The following TOGARAM2 variants were observed in gnomAD, a reference collection of about 807,000 sequenced individuals.
TOGARAM2 encodes the protein TOG array regulator of axonemal microtubules 2.
Under a neutral mutation model 93.3 loss-of-function variants are expected in TOGARAM2, and 85 were observed. The ratio of observed to expected loss-of-function variants is 0.91; its 90% CI spans 0.76 to 1.09. The LOEUF (loss-of-function observed/expected upper bound fraction) is 1.09, where lower values mean the gene tolerates loss of function less well. TOGARAM2 is among the 50% of genes least tolerant of loss of function. The pLI is 0.00. For missense variants in TOGARAM2, 1,277 were observed against 1,334.5 expected (o/e 0.96, Z 0.67); for synonymous variants, 593 against 552.8 (o/e 1.07, Z -1.02).
intron 14 of TOGARAM2, among the ~76,000 whole-genome samples, chr2:29,029,149 G>A (rs543692419): frequency 3.6e-4 from 55 of 152,236 alleles, no homozygotes; most frequent in Non-Finnish European, 6.5e-4. Flanking sequence ...ACTTGTTCAC[G>A]CATGTTTATA....
intron 16 of TOGARAM2, among the ~76,000 whole-genome samples, chr2:29,034,526 A>G (rs1381191041): frequency 6.6e-6 from 1 of 152,222 alleles, no homozygotes; most frequent in African/African-American, 2.4e-5. Flanking sequence ...TCAGTAGACA[A>G]TGAGTGTGGA....
intron 6 of TOGARAM2, among the ~76,000 whole-genome samples, chr2:29,004,798 GTC>G (rs1414106262): frequency 6.6e-6 from 1 of 151,906 alleles, no homozygotes; most frequent in Non-Finnish European, 1.5e-5. Flanking sequence ...GTCTGAGTGT[GTC>G]TGAGTGCATG....
rs1338400609 is a variant in TOGARAM2, at chr2:29,014,440, C to G, written c.923C>G (p.Ala308Gly). The G allele has an allele frequency of 2.5e-6, 4 of 1,609,428 alleles. No homozygotes were observed. The African/African-American group carries it at 5.3e-5, about 22-fold the overall frequency. ...ASPIRDRPAA[A>G]KKPALPFSQS... ...CCCATCAGAGACAGGCCTGCCGCTG[C>G]CAAGAAGCCTGCCCTGCCTTTTTCT... The change falls in exon 8 of 20, where the codon GCC (alanine) becomes GGC (glycine). Residue 308 changes from alanine to glycine, a missense_variant. Physicochemically the swap from Ala to Gly is moderately conservative, Grantham distance 60. Transcript: ENST00000379558.
intron 1 of TOGARAM2, among the ~76,000 whole-genome samples, chr2:28,992,287 A>G (rs558117258): frequency 6.8e-4 from 104 of 152,212 alleles, no homozygotes; most frequent in African/African-American, 2.4e-3. Context: ...GTTTGTCCAT[A>G]GCAGCTTTGG....
In TOGARAM2 at chr2:28,967,355, G is replaced by A. The variant is rs144788540; in HGVS notation, c.-147+10658G>A. ...CCATGCATGGTGGAGTGCACCTGTG[G>A]TCCCAGCTACTCAGGAAGATGAGGT... On this transcript the variant is annotated intron_variant, in intron 1 of 6. Coordinates refer to the TOGARAM2 transcript ENST00000401723. 3.2e-3 allele frequency among the ~76,000 whole-genome samples: 489 copies of A among 152,198 alleles called. 5 individuals are homozygous for A. The highest frequency in any genetic ancestry group is 0.01 in the Middle Eastern group (3 of 294).
At chr2:29,028,964 G>C (rs1277763826) in intron 14 of TOGARAM2, among the ~76,000 whole-genome samples, 1 of 152,228 alleles carries the variant, frequency 6.6e-6, no homozygotes, top group Non-Finnish European at 1.5e-5. Context: ...AATAATAGAT[G>C]TTGGCGTGGA....
At chr2:28,989,322 AT>A (rs2148253809) in intron 1 of TOGARAM2, among the ~76,000 whole-genome samples, 1 of 151,882 alleles carries the variant, frequency 6.6e-6, no homozygotes, top group South Asian at 2.1e-4. Flanking sequence ...AAGTGCTGGG[AT>A]TACAGGTGTA....
intron 4 of TOGARAM2, among the ~76,000 whole-genome samples, chr2:29,001,022 G>T (rs954565835): frequency 6.6e-6 from 1 of 152,198 alleles, no homozygotes; most frequent in Admixed American, 6.5e-5. Flanking sequence ...GATGGGCAGT[G>T]ACCTATAGAC....
intron 16 of TOGARAM2, 87 bp downstream of exon 16, chr2:29,033,650 G>A (rs1245864416): frequency 4.7e-6 from 6 of 1,273,446 alleles, no homozygotes; most frequent in Non-Finnish European, 6.7e-6. Context: ...GTGGCTCTGG[G>A]GTGGACATAT....
intron 1 of TOGARAM2, among the ~76,000 whole-genome samples, chr2:28,987,352 T>G (rs1558403545): frequency 6.6e-6 from 1 of 152,252 alleles, no homozygotes; most frequent in Non-Finnish European, 1.5e-5. Context: ...TGCAGTGGCA[T>G]GATCTCGGTT....
chr2:29,037,704 C>G (rs562192425), intron 18 of TOGARAM2, among the ~76,000 whole-genome samples: 58 of 152,328 alleles, frequency 3.8e-4, no homozygotes, highest in African/African-American at 1.3e-3. Flanking sequence ...TCAGGTCCCT[C>G]TCTGCCTCTT....
chr2:29,046,225 C>T (rs751895703), intron 19 of TOGARAM2: 1 of 152,262 alleles, frequency 6.6e-6, no homozygotes, highest in Non-Finnish European at 1.5e-5. Context: ...AGGAGAAGTC[C>T]AAGTGACTTC....
At chr2:28,972,065 G>A (rs563421645) in intron 1 of TOGARAM2, among the ~76,000 whole-genome samples, 1 of 152,114 alleles carries the variant, frequency 6.6e-6, no homozygotes, top group African/African-American at 2.4e-5. Context: ...GGTAAGAAAT[G>A]AGTTCAGTAT....
chr2:29,003,681 C>A lies in TOGARAM2; in HGVS notation c.829C>A (p.Arg277=). ...CACAGGCCTGAGGGCCCCACGCACG[C>A]GGTAAGAGCTCCAAGTCAAACCTTC... ...VLTGLRAPRT[R]LARGSGPREK... The change falls in exon 6 of 20, where the codon CGA becomes AGA. Residue 277 remains arginine (R), a splice_region_variant and synonymous_variant. Coordinates refer to ENST00000379558, the MANE Select transcript of TOGARAM2 (RefSeq NM_199280.4). 1 of 1,525,624 alleles carries A rather than the reference C, an allele frequency of 6.6e-7. No individual in the cohort carries two copies. The highest frequency in any genetic ancestry group is 1.2e-5 in the South Asian group (1 of 80,342). The allele number at this position is 1,525,624 out of a possible 1,614,324, so 94.5% of individuals were successfully genotyped here.
Position 29,022,272 on chromosome 2 carries a change from T to G in TOGARAM2, c.1475T>G (p.Leu492Arg), listed in dbSNP as rs761911160. Residue 492 changes from leucine to arginine, a missense_variant, in exon 11 of 20, where the codon CTG becomes CGG. Leu to Arg is a moderately radical substitution (Grantham distance 102). Coordinates refer to ENST00000379558, the MANE Select transcript of TOGARAM2 (RefSeq NM_199280.4). Reference protein sequence around the residue: ...LRPFSNPELGLRDALQCLNSS... With the variant: ...LRPFSNPELGRRDALQCLNSS... Reference sequence around the variant, plus strand: ...CCTTTCTCGAACCCGGAGCTGGGGCTGAGGGATGCACTCCAGTGCCTCAAC... The same window carrying G: ...CCTTTCTCGAACCCGGAGCTGGGGCGGAGGGATGCACTCCAGTGCCTCAAC... 6.2e-7 allele frequency: 1 copy of G among 1,614,022 alleles called. No homozygotes were observed. Among genetic ancestry groups the G allele is most frequent in the Non-Finnish European group, 8.5e-7 (1 of 1,179,892 alleles).
intron 1 of TOGARAM2, among the ~76,000 whole-genome samples, chr2:28,960,931 G>A (rs904431474): frequency 1.5e-4 from 23 of 152,162 alleles, no homozygotes; most frequent in Admixed American, 1.4e-3. Flanking sequence ...AGCTTGATTC[G>A]ATTTGACAAG....
Position 29,045,355 on chromosome 2 carries a change from G to C in TOGARAM2, c.2667G>C (p.Gly889=). 1 of 1,613,716 alleles carries C rather than the reference G, an allele frequency of 6.2e-7. No homozygotes were observed. Among genetic ancestry groups the C allele is most frequent in the South Asian group, 1.1e-5 (1 of 91,082 alleles). The change falls in exon 19 of 20, where the codon GGG becomes GGC. Residue 889 remains glycine, a synonymous_variant. Transcript: ENST00000379558. ...DNLCLLPALA[G]RVRFLSGRAV... ...TTTGCCTTCTACCAGCGCTTGCTGG[G>C]CGAGTGCGTTTCCTGAGTGGCCGTG...
At chr2:29,041,561 G>A (rs1266856699) in intron 18 of TOGARAM2, among the ~76,000 whole-genome samples, 1 of 152,200 alleles carries the variant, frequency 6.6e-6, no homozygotes, top group East Asian at 1.9e-4. Flanking sequence ...GCTCTTATCT[G>A]GCTTCCCAGT....
intron 1 of TOGARAM2, among the ~76,000 whole-genome samples, chr2:28,976,198 G>A (rs943228976): frequency 1.1e-4 from 16 of 152,106 alleles, no homozygotes; most frequent in East Asian, 1.9e-4. Flanking sequence ...GTGAAACCCC[G>A]TCTCTACTAA....
Sources: gnomAD v4.1 joint callset for allele counts (sites outside exome capture counted in the v4.1 genomes callset) on GRCh38, gnomAD v4.1.1 for gene constraint, MANE v1.5 for transcripts, NCBI Gene and HGNC (gene_info 2026-07-23, HGNC 2026-07-21) for gene names.